The following NAE1 variants were observed in gnomAD, a reference collection of about 807,000 sequenced individuals.
The protein encoded by NAE1 is NEDD8-activating enzyme E1 regulatory subunit.
A neutral mutation model predicts 88.0 loss-of-function variants in NAE1; 59 were observed. The ratio of observed to expected loss-of-function variants is 0.67; its 90% CI spans 0.54 to 0.83. The LOEUF is 0.83. Among genes scored for constraint, NAE1 ranks in the 40% least tolerant of loss-of-function variants. The pLI, the probability that NAE1 is intolerant of heterozygous loss-of-function variation, is 0.00. For missense variants in NAE1, 554 were observed against 632.8 expected (o/e 0.88, Z 1.34); for synonymous variants, 186 against 208.9 (o/e 0.89, Z 0.95).
chr16:66,807,378 G>A (rs1959606458), intron 17 of NAE1, among the ~76,000 whole-genome samples: 1 of 152,090 alleles, frequency 6.6e-6, no homozygotes, highest in South Asian at 2.1e-4. Context: ...AGTGGCTCAT[G>A]CGTGTAATCC....
intron 13 of NAE1, among the ~76,000 whole-genome samples, chr16:66,811,714 T>C (rs996131008): frequency 2.6e-5 from 4 of 152,200 alleles, no homozygotes; most frequent in Non-Finnish European, 4.4e-5. Flanking sequence ...AAAAGTTTTC[T>C]TTACGTCTAT....
At chr16:66,826,816 T>A in intron 1 of NAE1, 36 bp from the exon 2 acceptor site, 1 of 1,560,804 alleles carries the variant, frequency 6.4e-7, no homozygotes. Context: ...TTTTTAAAAC[T>A]TTCATGAAAA....
At chr16:66,807,817 A>G (rs752483193) in intron 17 of NAE1, among the ~76,000 whole-genome samples, 7 of 152,198 alleles carry the variant, frequency 4.6e-5, no homozygotes, top group South Asian at 2.1e-4. Flanking sequence ...CAATTCTCCA[A>G]TGACTACATT....
chr16:66,824,768 C>A, intron 4 of NAE1, 87 bp downstream of exon 4: 3 of 1,207,796 alleles, frequency 2.5e-6, no homozygotes, highest in South Asian at 1.4e-5. Flanking sequence ...AAATAATACA[C>A]GTTTTTAAAG....
chr16:66,822,329 G>C (rs537936231), intron 6 of NAE1, among the ~76,000 whole-genome samples: 1 of 152,318 alleles, frequency 6.6e-6, no homozygotes, highest in Non-Finnish European at 1.5e-5. Context: ...CCAGGACTTT[G>C]GGTGGCTGAG....
chr16:66,821,653 T>TTTCTTACTAAATAA, intron 6 of NAE1, 94 bp from the exon 7 acceptor site: 4 of 1,050,594 alleles, frequency 3.8e-6, no homozygotes, highest in Non-Finnish European at 5.2e-6. Flanking sequence ...TTACAGCAAC[T>TTTCTTACTAAATAA]TTCTTACTAA....
chr16:66,821,829 T>C (rs1371297879), intron 6 of NAE1, among the ~76,000 whole-genome samples: 1 of 152,186 alleles, frequency 6.6e-6, no homozygotes, highest in Non-Finnish European at 1.5e-5. Flanking sequence ...AGAAAGATAA[T>C]TCTAAACATT....
In NAE1 at chr16:66,830,926, C is replaced by A; in HGVS notation, c.-27G>T. ...GCCGCGCCTGCCGCGCGGAAAACAG[C>A]CGAGCCCCTGCGGAGCGCCGCCACC... On this transcript the variant is annotated 5_prime_UTR_variant, in exon 1 of 20. Transcript: ENST00000290810. 4.0e-6 allele frequency: 6 copies of A among 1,516,012 alleles called. No homozygotes were observed. The highest frequency in any genetic ancestry group is 5.3e-6 in the Non-Finnish European group (6 of 1,140,558). 93.9% of individuals were successfully genotyped at this position (1,516,012 alleles called of 1,614,324 possible). A position where few individuals can be genotyped will look rare whatever the true frequency, so the allele number is the denominator to read the frequency against.
intron 19 of NAE1, among the ~76,000 whole-genome samples, chr16:66,803,884 C>T (rs1370043607): frequency 1.3e-5 from 2 of 152,042 alleles, no homozygotes; most frequent in East Asian, 1.9e-4. Flanking sequence ...TTAGCCACCG[C>T]GCTCAGCCGA....
chr16:66,820,474 C>T (rs575185160), intron 7 of NAE1, among the ~76,000 whole-genome samples: 4 of 152,280 alleles, frequency 2.6e-5, no homozygotes, highest in South Asian at 2.1e-4. Context: ...AAAGATTGGA[C>T]GGACCTGGTG....
At chr16:66,808,881 C>T (rs765433721) in intron 16 of NAE1, 108 bp downstream of exon 16, 20 of 706,912 alleles carry the variant, frequency 2.8e-5, no homozygotes, top group Non-Finnish European at 4.2e-5. Context: ...AATATGTTTA[C>T]GTTATCTTTA....
intron 19 of NAE1, among the ~76,000 whole-genome samples, chr16:66,805,369 G>A (rs1959520929): frequency 6.6e-6 from 1 of 152,134 alleles, no homozygotes; most frequent in Admixed American, 6.5e-5. Context: ...GACTCTTAAG[G>A]AGTTTAAGTT....
In NAE1 at chr16:66,826,550, T is replaced by C. The variant is rs376300342; in HGVS notation, c.191A>G (p.Gln64Arg). 6.2e-7 allele frequency: 1 copy of C among 1,614,064 alleles called. No homozygotes were observed. The highest frequency in any genetic ancestry group is 8.5e-7 in the Non-Finnish European group (1 of 1,180,034). Residue 64 changes from glutamine (Q) to arginine (R), a missense_variant, in exon 3 of 20, where the codon CAG becomes CGG. Gln to Arg is a conservative substitution (Grantham distance 43). Coordinates refer to ENST00000290810, the MANE Select transcript of NAE1 (RefSeq NM_003905.4). ...GTTTCCAGCATCTTCTCCGCTGACC[T>C]GATTTCCATCAATAATTGTAAACGA... ...IGSFTIIDGN[Q>R]VSGEDAGNNF...
intron 1 of NAE1, among the ~76,000 whole-genome samples, chr16:66,827,297 A>G (rs1206764259): frequency 1.4e-5 from 2 of 147,202 alleles, no homozygotes; most frequent in African/African-American, 2.5e-5. Flanking sequence ...TGCCAGGTGC[A>G]GTGGCTCACA....
At chr16:66,824,540 C>G (rs759334168) in intron 4 of NAE1, 4 of 175,652 alleles carry the variant, frequency 2.3e-5, no homozygotes, top group African/African-American at 9.6e-5. Context: ...TGCAGTGAGT[C>G]GAGATCGCGC....
intron 19 of NAE1, among the ~76,000 whole-genome samples, chr16:66,803,381 G>A (rs1285079176): frequency 6.6e-6 from 1 of 152,076 alleles, no homozygotes; most frequent in Non-Finnish European, 1.5e-5. Context: ...ACACCCTACT[G>A]CTGCATTTGA....
chr16:66,820,672 C>A (rs1390510572), intron 7 of NAE1, among the ~76,000 whole-genome samples: 1 of 152,056 alleles, frequency 6.6e-6, no homozygotes, highest in Non-Finnish European at 1.5e-5. Context: ...GAGGCCAAGG[C>A]GGGCAGATCA....
intron 1 of NAE1, among the ~76,000 whole-genome samples, chr16:66,830,500 T>G (rs914076328): frequency 6.6e-6 from 1 of 152,350 alleles, no homozygotes; most frequent in East Asian, 1.9e-4. Context: ...CCTAACCCTC[T>G]GTGCCGCCCT....
chr16:66,813,525 A>G, intron 13 of NAE1, 39 bp downstream of exon 13: 2 of 1,565,450 alleles, frequency 1.3e-6, no homozygotes, highest in South Asian at 2.4e-5. Context: ...TAATATAATC[A>G]GACTTTTTCT....
Sources: allele counts gnomAD v4.1 joint callset (sites outside exome capture counted in the v4.1 genomes callset), GRCh38; gene constraint gnomAD v4.1.1; transcripts MANE v1.5; gene names NCBI Gene and HGNC (gene_info 2026-07-23, HGNC 2026-07-21).